ANTXR1: variants seen among roughly 807,000 people sequenced by gnomAD.
ANTXR1 encodes ANTXR cell adhesion molecule 1.
A neutral mutation model predicts 78.1 loss-of-function variants in ANTXR1; 19 were observed. The ratio of observed to expected loss-of-function variants is 0.24; its 90% CI spans 0.17 to 0.36. The LOEUF is 0.36. Ranked by LOEUF, ANTXR1 falls within the 10% of genes least tolerant of loss-of-function variation. ANTXR1 has a pLI of 1.00. For missense variants in ANTXR1, 518 were observed against 718.6 expected (o/e 0.72, Z 3.19); for synonymous variants, 273 against 260.5 (o/e 1.05, Z -0.46).
chr2:69,189,307 A>G (rs1363613710), intron 16 of ANTXR1, among the ~76,000 whole-genome samples: 2 of 152,190 alleles, frequency 1.3e-5, no homozygotes, highest in Non-Finnish European at 2.9e-5. Context: ...AGCGCTTTCT[A>G]TGCACTAATG....
chr2:69,200,941 TG>T (rs1265250851), intron 17 of ANTXR1, among the ~76,000 whole-genome samples: 2 of 152,182 alleles, frequency 1.3e-5, no homozygotes, highest in African/African-American at 4.8e-5. Context: ...TAAGGAGGTC[TG>T]GGGCTTGAAT....
chr2:69,026,084 T>A (rs1671335568), intron 1 of ANTXR1, among the ~76,000 whole-genome samples: 1 of 152,222 alleles, frequency 6.6e-6, no homozygotes, highest in Non-Finnish European at 1.5e-5. Flanking sequence ...TTAGCGGAAG[T>A]TCTTTAATAC....
chr2:69,178,954 G>C (rs556048324), intron 14 of ANTXR1, among the ~76,000 whole-genome samples: 3 of 152,278 alleles, frequency 2.0e-5, no homozygotes, highest in Admixed American at 2.0e-4. Flanking sequence ...TAACGTTCGT[G>C]GTGCTGCTGT....
At chr2:69,165,231 A>G (rs1673798051) in intron 13 of ANTXR1, among the ~76,000 whole-genome samples, 1 of 152,234 alleles carries the variant, frequency 6.6e-6, no homozygotes, top group African/African-American at 2.4e-5. Context: ...AGTTATCTGA[A>G]GCAGCTCTCT....
chr2:69,031,765 G>C (rs1373914703), intron 1 of ANTXR1, among the ~76,000 whole-genome samples: 1 of 152,220 alleles, frequency 6.6e-6, no homozygotes, highest in Non-Finnish European at 1.5e-5. Flanking sequence ...AAGGAATTTA[G>C]AAAATCTCTC....
chr2:69,013,536 T>G lies in ANTXR1; in HGVS notation c.37T>G (p.Phe13Val). The G allele has an allele frequency of 6.3e-7, 1 of 1,584,848 alleles. No individual in the cohort carries two copies. Among genetic ancestry groups the G allele is most frequent in the Non-Finnish European group, 8.6e-7 (1 of 1,166,990 alleles). ...TAERRALGIG[F>V]QWLSLATLVL... ...GGAGCGGAGAGCCCTCGGCATCGGC[T>G]TCCAGTGGCTCTCTTTGGCCACTCT... Residue 13 changes from phenylalanine (F) to valine (V), a missense_variant, in exon 1 of 18, where the codon TTC becomes GTC. By Grantham distance (50) the Phe-to-Val change is conservative (BLOSUM62 -1). Transcript: ENST00000303714. This position sits in a 1 kb window ranked among gnomAD's most constrained non-coding sequence, Gnocchi z 5.0.
At chr2:69,039,776 G>A (rs1669557782) in intron 1 of ANTXR1, among the ~76,000 whole-genome samples, 1 of 152,004 alleles carries the variant, frequency 6.6e-6, no homozygotes, top group Non-Finnish European at 1.5e-5. Flanking sequence ...AGCGTTTGTT[G>A]TTGCTGTTGT....
At chr2:69,032,448 G>T (rs896717717) in intron 1 of ANTXR1, among the ~76,000 whole-genome samples, 1 of 151,414 alleles carries the variant, frequency 6.6e-6, no homozygotes, top group Admixed American at 6.6e-5. Flanking sequence ...CCTCTCCCTT[G>T]GTGCCCTCAT....
At chr2:69,243,487 G>C (rs140004134) in intron 17 of ANTXR1, among the ~76,000 whole-genome samples, 82 of 152,270 alleles carry the variant, frequency 5.4e-4, no homozygotes, top group Middle Eastern at 6.8e-3. Flanking sequence ...ATGTTTGGGG[G>C]AAAAGGGACA....
chr2:69,145,654 G>T, intron 12 of ANTXR1: 1 of 1,206,438 alleles, frequency 8.3e-7, no homozygotes, highest in African/African-American at 1.5e-5. Context: ...TCCTGGTGCA[G>T]ACCCAACTTT....
At chr2:69,172,398 G>A (rs761953264) in intron 14 of ANTXR1, 2 of 1,610,266 alleles carry the variant, frequency 1.2e-6, no homozygotes, top group African/African-American at 2.7e-5. Flanking sequence ...GAAGAAGAAA[G>A]AAAGAAATCC....
chr2:69,124,493 G>A lies in ANTXR1; in HGVS notation c.873-72G>A, dbSNP rs910644201. 152 of 1,339,110 alleles carry A rather than the reference G, an allele frequency of 1.1e-4. 3 individuals carry two copies. The highest frequency in any genetic ancestry group is 3.4e-4 in the South Asian group (29 of 85,578). 83.0% of individuals were successfully genotyped at this position (1,339,110 alleles called of 1,614,324 possible). A position where few individuals can be genotyped will look rare whatever the true frequency, so the allele number is the denominator to read the frequency against. On this transcript the variant is annotated intron_variant, in intron 11 of 17. Coordinates refer to ENST00000303714, the MANE Select transcript of ANTXR1 (RefSeq NM_032208.3). ...TAAGAGCAGAGCCCAAAGGAGTCCT[G>A]TGTGTCTGGCTCTCAGCCTGTTGCT...
At chr2:69,183,538 A>G (rs1674331743) in intron 16 of ANTXR1, among the ~76,000 whole-genome samples, 1 of 148,942 alleles carries the variant, frequency 6.7e-6, no homozygotes, top group Non-Finnish European at 1.5e-5. Flanking sequence ...AGTAGCTGGG[A>G]CTACGGGCAC....
chr2:69,217,862 T>G (rs1479364143), intron 17 of ANTXR1, among the ~76,000 whole-genome samples: 4 of 152,130 alleles, frequency 2.6e-5, no homozygotes, highest in Non-Finnish European at 5.9e-5. Context: ...GAAGAAATTA[T>G]GAGAGAATGT....
intron 17 of ANTXR1, among the ~76,000 whole-genome samples, chr2:69,237,233 G>A (rs942276485): frequency 1.3e-5 from 2 of 152,102 alleles, no homozygotes; most frequent in African/African-American, 4.8e-5. Context: ...TATGGAGAAC[G>A]TGCCAGTATG....
chr2:69,031,079 G>A (rs777856035), intron 1 of ANTXR1, among the ~76,000 whole-genome samples: 9 of 152,230 alleles, frequency 5.9e-5, no homozygotes, highest in South Asian at 2.1e-4. Flanking sequence ...TAGTTGCCAC[G>A]GAGACCACAT....
At chr2:69,145,912 G>A (rs1401516401) in intron 12 of ANTXR1, 1 of 985,658 alleles carries the variant, frequency 1.0e-6, no homozygotes, top group African/African-American at 1.7e-5. Flanking sequence ...TGCCAAGCAA[G>A]AGATGCTTTC....
chr2:69,218,992 C>T (rs922851759), intron 17 of ANTXR1, among the ~76,000 whole-genome samples: 2 of 152,140 alleles, frequency 1.3e-5, no homozygotes, highest in Non-Finnish European at 2.9e-5. Context: ...TCGGGAAACC[C>T]ACTCTAAATT....
At chr2:69,193,888 T>A (rs1674602310) in intron 17 of ANTXR1, among the ~76,000 whole-genome samples, 1 of 152,172 alleles carries the variant, frequency 6.6e-6, no homozygotes, top group African/African-American at 2.4e-5. Context: ...ACACCTACCA[T>A]CTTCCCAGCA....
Sources: gnomAD v4.1 joint callset for allele counts (sites outside exome capture counted in the v4.1 genomes callset) on GRCh38, gnomAD v4.1.1 for gene constraint, Gnocchi (gnomAD v3.1) non-coding constraint, MANE v1.5 for transcripts, NCBI Gene and HGNC (gene_info 2026-07-23, HGNC 2026-07-21) for gene names.